Variants in UBE2E1 observed in about 807,000 individuals in gnomAD.
The protein encoded by UBE2E1 is ubiquitin conjugating enzyme E2 E1.
In UBE2E1, 6 loss-of-function variants were observed where a neutral mutation model predicts 21.4. The ratio of observed to expected loss-of-function variants is 0.28; its 90% CI spans 0.15 to 0.55. UBE2E1 has a LOEUF of 0.55. Among genes scored for constraint, UBE2E1 ranks in the 20% least tolerant of loss-of-function variants. UBE2E1 has a pLI of 0.93. For synonymous variants in UBE2E1, 87 were observed against 82.7 expected, an observed-to-expected ratio of 1.05 and a Z score of -0.28; for missense variants, 142 against 236.5, an observed-to-expected ratio of 0.60 and a Z score of 2.62.
intron 3 of UBE2E1, among the ~76,000 whole-genome samples, chr3:23,885,695 T>C (rs2125329778): frequency 6.6e-6 from 1 of 150,912 alleles, no homozygotes; most frequent in South Asian, 2.1e-4. Flanking sequence ...ACCCCATCTA[T>C]ACTAAAAATA....
chr3:23,834,840 T>G (rs543709307), intron 3 of UBE2E1, among the ~76,000 whole-genome samples: 1 of 152,348 alleles, frequency 6.6e-6, no homozygotes, highest in African/African-American at 2.4e-5. Context: ...TTATAAATTT[T>G]TTAACTTAAA....
Position 23,842,253 on chromosome 3 carries a change from T to TGTGTGTGTGGTGGTGG in UBE2E1, c.203+30743_203+30744insGTGTGTGTGGTGGTGG, listed in dbSNP as rs1559482500. 1.8e-5 allele frequency among the ~76,000 whole-genome samples: 1 copy of TGTGTGTGTGGTGGTGG among 56,754 alleles called. No homozygotes were observed. Among genetic ancestry groups the TGTGTGTGTGGTGGTGG allele is most frequent in the African/African-American group, 5.9e-5 (1 of 16,868 alleles). 37.2% of individuals were successfully genotyped at this position (56,754 alleles called of 152,430 possible). A position where few individuals can be genotyped will look rare whatever the true frequency, so the allele number is the denominator to read the frequency against. On this transcript the variant is annotated intron_variant, in intron 3 of 5. Coordinates refer to ENST00000306627, the MANE Select transcript of UBE2E1 (RefSeq NM_003341.5). The surrounding 1 kb of genome is among the most constrained non-coding windows in gnomAD (Gnocchi z 4.6). ...TGTGTGTGTGTGTGTGTGTGTGGTGTTGTTGTTGTTGGCGACAGGGTCTCA... is the reference window on the plus strand; with the variant it reads ...TGTGTGTGTGTGTGTGTGTGTGGTGTGTGTGTGTGGTGGTGGTGTTGTTGTTGGCGACAGGGTCTCA...
At chr3:23,845,839 G>T (rs1021759622) in intron 3 of UBE2E1, among the ~76,000 whole-genome samples, 1 of 152,048 alleles carries the variant, frequency 6.6e-6, no homozygotes, top group African/African-American at 2.4e-5. Flanking sequence ...CTTTATTACG[G>T]ACACCGATTT....
intron 3 of UBE2E1, among the ~76,000 whole-genome samples, chr3:23,854,924 G>A (rs1700403496): frequency 6.6e-6 from 1 of 152,164 alleles, no homozygotes; most frequent in South Asian, 2.1e-4. Flanking sequence ...GGAGAATTCA[G>A]TGCATATAGA....
At chr3:23,889,851 C>A in intron 5 of UBE2E1, 3 of 721,308 alleles carry the variant, frequency 4.2e-6, no homozygotes, top group Non-Finnish European at 5.1e-6. Flanking sequence ...GAGCATGTCA[C>A]TGCACTGCAT....
chr3:23,885,755 G>A (rs1235474244), intron 3 of UBE2E1, among the ~76,000 whole-genome samples: 1 of 152,164 alleles, frequency 6.6e-6, no homozygotes, highest in Non-Finnish European at 1.5e-5. Flanking sequence ...AGTTACTCAG[G>A]AGGCTGAGGC....
chr3:23,889,340 A>C, intron 5 of UBE2E1, 81 bp downstream of exon 5: 1 of 1,595,952 alleles, frequency 6.3e-7, no homozygotes, highest in Non-Finnish European at 8.5e-7. Context: ...AAAGGACAAA[A>C]CTAATTTTTC....
At chr3:23,824,928 G>A (rs77262361) in intron 3 of UBE2E1, among the ~76,000 whole-genome samples, 7,039 of 152,268 alleles carry the variant, frequency 0.046, 202 homozygotes, top group East Asian at 0.11. Context: ...TCAAGGAGGA[G>A]ATAAGATTTT....
intron 3 of UBE2E1, among the ~76,000 whole-genome samples, chr3:23,860,725 A>G (rs1389965487): frequency 6.6e-6 from 1 of 152,222 alleles, no homozygotes; most frequent in Non-Finnish European, 1.5e-5. Context: ...AAACATCAAA[A>G]TGGTGTTTTT....
At chr3:23,845,607 GTGTGTGTGTA>G (rs1328207681) in intron 3 of UBE2E1, among the ~76,000 whole-genome samples, 4 of 150,256 alleles carry the variant, frequency 2.7e-5, no homozygotes, top group African/African-American at 9.8e-5. Flanking sequence ...GTGTGTGTGT[GTGTGTGTGTA>G]TGTGTGTGTA....
At chr3:23,856,972 G>A (rs1021957686) in intron 3 of UBE2E1, among the ~76,000 whole-genome samples, 3 of 148,516 alleles carry the variant, frequency 2.0e-5, no homozygotes, top group Non-Finnish European at 4.4e-5. Flanking sequence ...CACTGCACTC[G>A]GCCTGGGTGA....
intron 3 of UBE2E1, among the ~76,000 whole-genome samples, chr3:23,862,708 T>C (rs1203171602): frequency 6.6e-6 from 1 of 152,180 alleles, no homozygotes; most frequent in Non-Finnish European, 1.5e-5. Flanking sequence ...ACTATCTTTT[T>C]CCTTTCCGTC....
In UBE2E1 at chr3:23,876,334, T is replaced by G. The variant is rs909403926; in HGVS notation, c.204-11233T>G. The stretch of plus-strand genomic sequence containing the variant: ...CCCTGTTAGTTTCTTTAGTAAAGTT[T>G]TCTCATTTTTCAAGTTCCTTCTGCC... On this transcript the variant is annotated intron_variant, in intron 3 of 5. Transcript: ENST00000306627. This position sits in a 1 kb window ranked among gnomAD's most constrained non-coding sequence, Gnocchi z 4.3. Among the ~76,000 whole-genome samples the G allele has an allele frequency of 6.6e-6, 1 of 152,204 alleles. No homozygotes were observed. The highest frequency in any genetic ancestry group is 1.5e-5 in the Non-Finnish European group (1 of 68,024).
intron 3 of UBE2E1, among the ~76,000 whole-genome samples, chr3:23,872,522 C>T (rs1013239436): frequency 6.6e-6 from 1 of 152,160 alleles, no homozygotes; most frequent in African/African-American, 2.4e-5. Context: ...CCCAGTGGTT[C>T]TCAAACTCTT....
At chr3:23,866,278 AAG>A (rs1388086850) in intron 3 of UBE2E1, 4 of 152,496 alleles carry the variant, frequency 2.6e-5, no homozygotes, top group African/African-American at 9.7e-5. Flanking sequence ...GGAGGGAACA[AAG>A]AAGTTGCAGA....
At chr3:23,833,749 C>T (rs765150207) in intron 3 of UBE2E1, among the ~76,000 whole-genome samples, 6 of 152,220 alleles carry the variant, frequency 3.9e-5, no homozygotes, top group Admixed American at 1.3e-4. Flanking sequence ...GTAATCCCAT[C>T]GCTTTGGGAG....
chr3:23,846,902 A>G (rs1700219064), intron 3 of UBE2E1, among the ~76,000 whole-genome samples: 1 of 151,994 alleles, frequency 6.6e-6, no homozygotes, highest in African/African-American at 2.4e-5. Context: ...ATTTATCAAG[A>G]TGAATAAATA....
At chr3:23,834,499 C>T (rs1455029295) in intron 3 of UBE2E1, among the ~76,000 whole-genome samples, 3 of 152,180 alleles carry the variant, frequency 2.0e-5, no homozygotes, top group Non-Finnish European at 4.4e-5. Context: ...ACCTTCCTTC[C>T]TCCTGTGCTT....
intron 3 of UBE2E1, among the ~76,000 whole-genome samples, chr3:23,835,439 C>A (rs983972491): frequency 1.3e-5 from 2 of 150,408 alleles, no homozygotes; most frequent in Non-Finnish European, 2.9e-5. Context: ...TACACTCCAG[C>A]CTGAGCCACA....
Sources: allele counts gnomAD v4.1 joint callset (sites outside exome capture counted in the v4.1 genomes callset), GRCh38; gene constraint gnomAD v4.1.1; non-coding constraint Gnocchi (gnomAD v3.1); transcripts MANE v1.5; gene names NCBI Gene and HGNC (gene_info 2026-07-23, HGNC 2026-07-21).